The following FGF13 variants were observed in gnomAD, a reference collection of about 807,000 sequenced individuals.
FGF13 encodes the protein fibroblast growth factor homologous factor 2.
A neutral mutation model predicts 19.5 loss-of-function variants in FGF13; 2 were observed. The ratio of observed to expected loss-of-function variants is 0.10; its 90% CI spans 0.04 to 0.32. The LOEUF (loss-of-function observed/expected upper bound fraction) is 0.32. FGF13 is among the 10% of genes least tolerant of loss of function. FGF13 has a pLI of 1.00. For synonymous variants in FGF13, 72 were observed against 76.9 expected, an observed-to-expected ratio of 0.94 and a Z score of 0.33; for missense variants, 113 against 192.7, an observed-to-expected ratio of 0.59 and a Z score of 2.45.
At position 138,622,770 on chromosome X, in the gene FGF13, T is replaced by C. The variant is rs2089025050; in HGVS notation, c.*10080A>G. On this transcript the variant is annotated 3_prime_UTR_variant, in exon 5 of 5. Transcript: ENST00000315930. ...TGAAGTTGTAAAGATTTTTGGGGAC[T>C]TATGTGGTGCCATATGAATTTTAGA... 1 of 112,306 alleles carries C rather than the reference T, an allele frequency of 8.9e-6. No homozygotes were observed. Among genetic ancestry groups the C allele is most frequent in the African/African-American group, 3.2e-5 (1 of 30,969 alleles). 9.3% of individuals were successfully genotyped at this position (112,306 alleles called of 1,213,427 possible). A position where few individuals can be genotyped will look rare whatever the true frequency, so the allele number is the denominator to read the frequency against.
chrX:139,008,156 A>G (rs906620626), intron 1 of FGF13, among the ~76,000 whole-genome samples: 9 of 112,001 alleles, frequency 8.0e-5, no homozygotes, highest in African/African-American at 2.6e-4. Flanking sequence ...GCCCTGCCCA[A>G]AGAGAATCTG....
chrX:138,718,146 T>C (rs1371478062), intron 1 of FGF13, among the ~76,000 whole-genome samples: 2 of 112,432 alleles, frequency 1.8e-5, no homozygotes, highest in Non-Finnish European at 3.7e-5. Flanking sequence ...TACTCAATAA[T>C]ATTTGAAGAT....
At chrX:138,993,742 A>G (rs1247178621) in intron 1 of FGF13, among the ~76,000 whole-genome samples, 1 of 111,887 alleles carries the variant, frequency 8.9e-6, no homozygotes, top group African/African-American at 3.2e-5. Context: ...TCTCTTAGAG[A>G]TGTACTTTCC....
chrX:138,827,333 TG>T (rs2091040772), intron 3 of FGF13, among the ~76,000 whole-genome samples: 1 of 111,589 alleles, frequency 9.0e-6, no homozygotes, highest in African/African-American at 3.3e-5. Flanking sequence ...AGAGCTTTCA[TG>T]GGGGGAGGCA....
intron 1 of FGF13, among the ~76,000 whole-genome samples, chrX:139,123,450 T>C (rs2083692655): frequency 9.0e-6 from 1 of 111,445 alleles, no homozygotes; most frequent in Non-Finnish European, 1.9e-5. Context: ...TGAGCACAGA[T>C]GCTTTGTACT....
chrX:139,094,926 G>A (rs2124452255), intron 1 of FGF13, among the ~76,000 whole-genome samples: 1 of 112,388 alleles, frequency 8.9e-6, no homozygotes, highest in South Asian at 3.7e-4. Flanking sequence ...GCCAATTAGT[G>A]GAGTAAGGGA....
At chrX:139,168,086 T>C (rs1751671232) in intron 1 of FGF13, among the ~76,000 whole-genome samples, 1 of 111,917 alleles carries the variant, frequency 8.9e-6, no homozygotes, top group Admixed American at 9.5e-5. Flanking sequence ...GCTATTTCAT[T>C]TAAAACCTTT....
intron 1 of FGF13, among the ~76,000 whole-genome samples, chrX:139,068,501 A>G (rs1455647969): frequency 9.3e-6 from 1 of 107,680 alleles, no homozygotes. Flanking sequence ...ACTTTAAAGT[A>G]GTTTTTTCCA....
chrX:138,999,839 G>A (rs999976663), intron 1 of FGF13, among the ~76,000 whole-genome samples: 1 of 111,855 alleles, frequency 8.9e-6, no homozygotes, highest in Non-Finnish European at 1.9e-5. Flanking sequence ...CATTTTATGA[G>A]GCCAGCATGA....
chrX:138,876,484 T>G (rs148030834), intron 1 of FGF13, among the ~76,000 whole-genome samples: 1 of 112,296 alleles, frequency 8.9e-6, no homozygotes, highest in South Asian at 3.7e-4. Context: ...TAAGCTGCCA[T>G]GTGAGCAGGC....
chrX:139,003,821 A>G (rs899592612), intron 1 of FGF13, among the ~76,000 whole-genome samples: 1 of 111,322 alleles, frequency 9.0e-6, no homozygotes, highest in Non-Finnish European at 1.9e-5. Context: ...GCCCCACCAG[A>G]GCAGCTAGAT....
At chrX:138,925,711 A>G (rs1021413770) in intron 1 of FGF13, among the ~76,000 whole-genome samples, 4 of 111,480 alleles carry the variant, frequency 3.6e-5, no homozygotes, top group Admixed American at 9.5e-5. Context: ...CACTGCTCCA[A>G]GTTTTTAATA....
intron 3 of FGF13, among the ~76,000 whole-genome samples, chrX:138,757,879 T>A (rs1010302818): frequency 8.9e-6 from 1 of 111,825 alleles, no homozygotes; most frequent in Admixed American, 9.5e-5. Flanking sequence ...TATTATTACA[T>A]CCATGTCTGA....
At chrX:139,068,046 A>G (rs1389445288) in intron 1 of FGF13, among the ~76,000 whole-genome samples, 38 of 100,689 alleles carry the variant, frequency 3.8e-4, no homozygotes, top group Non-Finnish European at 7.1e-4. Context: ...TGTTTTAGAC[A>G]TGAAGTCCTT....
chrX:138,973,765 A>G (rs1314596740), intron 1 of FGF13, among the ~76,000 whole-genome samples: 2 of 111,698 alleles, frequency 1.8e-5, no homozygotes, highest in Non-Finnish European at 3.8e-5. Flanking sequence ...CTCTTTTCAC[A>G]GTTTTTGACT....
intron 1 of FGF13, among the ~76,000 whole-genome samples, chrX:139,150,023 C>G (rs1272722112): frequency 8.9e-6 from 1 of 111,758 alleles, no homozygotes; most frequent in East Asian, 2.8e-4. Context: ...CTAGGAACTT[C>G]CATTCTCCTA....
intron 3 of FGF13, among the ~76,000 whole-genome samples, chrX:138,823,774 AGTGAG>A (rs2091015083): frequency 8.9e-6 from 1 of 112,248 alleles, no homozygotes; most frequent in Non-Finnish European, 1.9e-5. Flanking sequence ...CATATTGTTC[AGTGAG>A]GTGACATGCA....
intron 3 of FGF13, among the ~76,000 whole-genome samples, chrX:138,662,396 G>T (rs1217846494): frequency 9.0e-6 from 1 of 111,692 alleles, no homozygotes; most frequent in Non-Finnish European, 1.9e-5. Context: ...ATATTCTTGT[G>T]AGTTAAAAGA....
intron 1 of FGF13, among the ~76,000 whole-genome samples, chrX:138,729,687 AAAAC>A (rs756234277): frequency 0.024 from 2,607 of 109,574 alleles, 52 homozygotes; most frequent in African/African-American, 0.061. Context: ...TAAGCCTAAT[AAAAC>A]AAACAAACAA....
Sources: allele counts gnomAD v4.1 joint callset (sites outside exome capture counted in the v4.1 genomes callset), GRCh38; gene constraint gnomAD v4.1.1; transcripts MANE v1.5; gene names NCBI Gene and HGNC (gene_info 2026-07-23, HGNC 2026-07-21).